The following RBM27 variants were observed in gnomAD, a reference collection of about 807,000 sequenced individuals.
RBM27 encodes RNA binding motif protein 27.
A neutral mutation model predicts 135.3 loss-of-function variants in RBM27; 22 were observed. That is an observed-to-expected ratio of 0.16 (90% confidence interval 0.12 to 0.23). RBM27 has a LOEUF of 0.23. Among genes scored for constraint, RBM27 ranks in the 10% least tolerant of loss-of-function variants. The pLI is 1.00. For missense variants in RBM27, 1,009 were observed against 1,281.0 expected, an observed-to-expected ratio of 0.79 and a Z score of 3.24; for synonymous variants, 481 against 442.4, an observed-to-expected ratio of 1.09 and a Z score of -1.10.
Position 146,286,213 on chromosome 5 carries a change from C to T in RBM27, c.*183C>T, listed in dbSNP as rs1759575981. 1 of 497,826 alleles carries T rather than the reference C, an allele frequency of 2.0e-6. No individual in the cohort carries two copies. Among genetic ancestry groups the T allele is most frequent in the South Asian group, 2.8e-5 (1 of 35,518 alleles). 30.8% of individuals were successfully genotyped at this position (497,826 alleles called of 1,614,324 possible). ...ATAACTGTACATGATATTAAAGCAC[C>T]AAAGGCCTAGTGACTTTTACACAGT... On this transcript the variant is annotated 3_prime_UTR_variant, in exon 21 of 21. Transcript: ENST00000265271.
intron 6 of RBM27, among the ~76,000 whole-genome samples, chr5:146,232,420 A>G (rs1048031533): frequency 6.6e-6 from 1 of 152,208 alleles, no homozygotes; most frequent in African/African-American, 2.4e-5. Context: ...GTAAATACAC[A>G]TATTTTCCCC....
At position 146,258,606 on chromosome 5, in the gene RBM27, G is replaced by C; in HGVS notation, c.1739+13G>C. On this transcript the variant is annotated intron_variant, in intron 11 of 20. Coordinates refer to ENST00000265271, the MANE Select transcript of RBM27 (RefSeq NM_018989.2). ...CTTGGCTGGGAAAGTAAGATAATTT[G>C]CTAATTAGTAGCATCTAATTGTTAT... 1 of 1,558,600 alleles carries C rather than the reference G, an allele frequency of 6.4e-7. No individual in the cohort carries two copies. The highest frequency in any genetic ancestry group is 8.6e-7 in the Non-Finnish European group (1 of 1,156,202).
chr5:146,233,859 G>A (rs1019143414), intron 7 of RBM27, 116 bp downstream of exon 7: 3 of 663,438 alleles, frequency 4.5e-6, no homozygotes, highest in Non-Finnish European at 6.7e-6. Context: ...AATATAATTT[G>A]GAATATATTC....
At chr5:146,232,196 T>G (rs1446475290) in intron 6 of RBM27, among the ~76,000 whole-genome samples, 1 of 152,142 alleles carries the variant, frequency 6.6e-6, no homozygotes, top group Non-Finnish European at 1.5e-5. Flanking sequence ...TTCAAGCAAG[T>G]CACAGACATC....
At chr5:146,260,416 G>A (rs1758344661) in intron 11 of RBM27, among the ~76,000 whole-genome samples, 1 of 152,144 alleles carries the variant, frequency 6.6e-6, no homozygotes, top group Admixed American at 6.5e-5. Context: ...TAGAGATGTG[G>A]TCTTACTATG....
chr5:146,244,540 C>A (rs967195468), intron 8 of RBM27, among the ~76,000 whole-genome samples: 3 of 151,968 alleles, frequency 2.0e-5, no homozygotes, highest in African/African-American at 4.8e-5. Flanking sequence ...CATGCCCCCC[C>A]ACCCCCTTTA....
intron 1 of RBM27, among the ~76,000 whole-genome samples, chr5:146,208,720 A>T (rs752912942): frequency 3.9e-5 from 6 of 152,246 alleles, no homozygotes; most frequent in African/African-American, 1.2e-4. Flanking sequence ...AGGTTCTGCT[A>T]AATTCAGGAA....
chr5:146,242,329 G>A (rs1334162703), intron 8 of RBM27, among the ~76,000 whole-genome samples: 2 of 152,186 alleles, frequency 1.3e-5, no homozygotes, highest in Non-Finnish European at 2.9e-5. Flanking sequence ...CTTAGCATTT[G>A]TGAATTACTG....
At chr5:146,247,337 T>G (rs1757670238) in intron 8 of RBM27, among the ~76,000 whole-genome samples, 1 of 152,212 alleles carries the variant, frequency 6.6e-6, no homozygotes, top group South Asian at 2.1e-4. Context: ...CACAGTACTA[T>G]TATCACAGTC....
chr5:146,271,372 C>G, intron 18 of RBM27, 111 bp from the exon 19 acceptor site: 1 of 1,029,236 alleles, frequency 9.7e-7, no homozygotes, highest in South Asian at 1.8e-5. Context: ...TGCACTCGAG[C>G]CTAGGCAACG....
At chr5:146,272,398 G>T (rs1020472792) in intron 19 of RBM27, among the ~76,000 whole-genome samples, 2 of 152,138 alleles carry the variant, frequency 1.3e-5, no homozygotes, top group African/African-American at 4.8e-5. Context: ...CAACTCTTTT[G>T]AGAGGAAGTA....
chr5:146,250,770 C>CTTTTTTTTTTTTTTTTTTTTTTTTTTTT (rs58027855), intron 8 of RBM27, among the ~76,000 whole-genome samples: 4 of 72,650 alleles, frequency 5.5e-5, no homozygotes, highest in Non-Finnish European at 9.7e-5. Flanking sequence ...TTTTTTTGTC[C>CTTTTTTTTTTTTTTTTTTTTTTTTTTTT]TTTTTTTTTT....
At chr5:146,260,662 T>C in intron 11 of RBM27, 83 bp from the exon 12 acceptor site, 1 of 1,250,976 alleles carries the variant, frequency 8.0e-7, no homozygotes, top group Non-Finnish European at 1.1e-6. Context: ...AAAAAAATTA[T>C]AAACCTAAAT....
At chr5:146,215,439 C>G (rs371925102) in intron 1 of RBM27, among the ~76,000 whole-genome samples, 5 of 152,164 alleles carry the variant, frequency 3.3e-5, no homozygotes, top group African/African-American at 1.2e-4. Flanking sequence ...TATCCATACC[C>G]AGCACTAAAT....
intron 14 of RBM27, among the ~76,000 whole-genome samples, chr5:146,264,033 AAGG>A (rs994323716): frequency 1.3e-5 from 2 of 151,218 alleles, no homozygotes; most frequent in Non-Finnish European, 2.9e-5. Context: ...CTTGAACCCG[AAGG>A]AGGAGGTTGC....
intron 10 of RBM27, among the ~76,000 whole-genome samples, chr5:146,256,384 C>T (rs1003648709): frequency 6.7e-6 from 1 of 148,342 alleles, no homozygotes. Context: ...GGGTCTCCTT[C>T]TGTCACCTAT....
At position 146,250,966 on chromosome 5, in the gene RBM27, G is replaced by A. The variant is rs574428439; in HGVS notation, c.1280-745G>A. Among the ~76,000 whole-genome samples, 5 of 151,686 alleles carry A rather than the reference G, an allele frequency of 3.3e-5. No homozygotes were observed. The South Asian group carries it at 6.3e-4, about 19-fold the overall frequency. On this transcript the variant is annotated intron_variant, in intron 8 of 20. Transcript: ENST00000265271. ...TAATTTTTGTATTTTTAGTAGAGAC[G>A]GGGTTTCATCATCTTGGCCAGGCTG...
rs751588876 is a variant in RBM27 at position 146,269,213 on chromosome 5, A to G, written c.2458A>G (p.Met820Val). Reference protein sequence around the residue: ...QEVLKKKQEAMKLQQDMRKKR... With the variant: ...QEVLKKKQEAVKLQQDMRKKR... ...TTCTTTTTTACTTATACAGGAAGCAATGAAGTTACAACAAGATATGAGGAA... is the reference window on the plus strand; with the variant it reads ...TTCTTTTTTACTTATACAGGAAGCAGTGAAGTTACAACAAGATATGAGGAA... The change falls in exon 16 of 21, where the codon ATG becomes GTG. Residue 820 changes from methionine (M) to valine (V), a missense_variant. Coordinates refer to ENST00000265271, the MANE Select transcript of RBM27 (RefSeq NM_018989.2). The G allele has an allele frequency of 2.0e-4, 321 of 1,599,774 alleles. No homozygotes were observed. The highest frequency in any genetic ancestry group is 2.6e-4 in the Non-Finnish European group (305 of 1,171,446).
At chr5:146,222,368 CA>C (rs1756495721) in intron 2 of RBM27, among the ~76,000 whole-genome samples, 2 of 152,192 alleles carry the variant, frequency 1.3e-5, no homozygotes, top group African/African-American at 4.8e-5. Context: ...TAGGACCAAT[CA>C]AAGTTATTTA....
Sources: gnomAD v4.1 joint callset for allele counts (sites outside exome capture counted in the v4.1 genomes callset) on GRCh38, gnomAD v4.1.1 for gene constraint, MANE v1.5 for transcripts, NCBI Gene and HGNC (gene_info 2026-07-23, HGNC 2026-07-21) for gene names.